The following NCBP1 variants were observed in gnomAD, a reference collection of about 807,000 sequenced individuals.
The protein encoded by NCBP1 is nuclear cap binding protein subunit 1, also known as nuclear cap-binding protein subunit 1.
NCBP1 carries 16 observed loss-of-function variants against 111.7 expected under a neutral mutation model. That is an observed-to-expected ratio of 0.14 (90% confidence interval 0.10 to 0.22). The LOEUF is 0.22. Ranked by LOEUF, NCBP1 falls within the 10% of genes least tolerant of loss-of-function variation. The probability of loss-of-function intolerance (pLI) is 1.00; values close to 1 mark genes in which losing one functional copy is unlikely to be tolerated. For synonymous variants in NCBP1, 304 were observed against 314.3 expected (o/e 0.97, Z 0.35); for missense variants, 607 against 957.5 (o/e 0.63, Z 4.83).
In NCBP1 at chr9:97,645,241, T is replaced by A; in HGVS notation, c.489+17T>A. 4 of 1,554,972 alleles carry A rather than the reference T, an allele frequency of 2.6e-6. No individual in the cohort carries two copies. The highest frequency in any genetic ancestry group is 3.6e-6 in the Non-Finnish European group (4 of 1,126,672). On this transcript the variant is annotated intron_variant, in intron 5 of 22. Coordinates refer to ENST00000375147, the MANE Select transcript of NCBP1 (RefSeq NM_002486.5). ...GTACCTCAGGTAAGAGAACCCCTCATGCTGAATCTTGAGGGGTTCTTGAGG... is the reference window on the plus strand; with the variant it reads ...GTACCTCAGGTAAGAGAACCCCTCAAGCTGAATCTTGAGGGGTTCTTGAGG...
intron 14 of NCBP1, among the ~76,000 whole-genome samples, chr9:97,657,885 G>GCTCTCTCTCTCTCTCTCTCT (rs3052096): frequency 1.1e-4 from 13 of 114,010 alleles, no homozygotes; most frequent in African/African-American, 4.7e-4. Flanking sequence ...GCCCCGGTAA[G>GCTCTCTCTCTCTCTCTCTCT]CTCTCTCTCT....
intron 14 of NCBP1, among the ~76,000 whole-genome samples, chr9:97,657,176 T>C (rs1427909228): frequency 6.6e-6 from 1 of 151,982 alleles, no homozygotes; most frequent in Non-Finnish European, 1.5e-5. Flanking sequence ...CTGTGTTAGC[T>C]GGGATGATCT....
intron 6 of NCBP1, among the ~76,000 whole-genome samples, chr9:97,646,627 G>A (rs1035339833): frequency 6.6e-6 from 1 of 152,100 alleles, no homozygotes; most frequent in Non-Finnish European, 1.5e-5. Context: ...CCCGAGGTCA[G>A]GAGTTTGAGA....
Position 97,650,598 on chromosome 9 carries a change from T to G in NCBP1, c.993T>G (p.Thr331=). 1 of 1,611,014 alleles carries G rather than the reference T, an allele frequency of 6.2e-7. No individual in the cohort carries two copies. Among genetic ancestry groups the G allele is most frequent in the African/African-American group, 1.3e-5 (1 of 74,910 alleles). The change falls in exon 9 of 23, where the codon ACT becomes ACG. Residue 331 remains threonine (T), a splice_region_variant and synonymous_variant. Transcript: ENST00000375147. ...IIKSHWKERK[T]CAAQLVSYPG... is the part of the protein sequence containing the mutation. ...AGTCCCACTGGAAGGAAAGGAAGAC[T>G]TGGTAAGATTCTTTTCATGGTACTT...
At chr9:97,651,045 C>CT (rs2131344116) in intron 9 of NCBP1, among the ~76,000 whole-genome samples, 1 of 152,116 alleles carries the variant, frequency 6.6e-6, no homozygotes, top group East Asian at 1.9e-4. Context: ...ATTAAAACTT[C>CT]TTTAAGTTAG....
At chr9:97,670,226 G>A (rs2773354) in intron 22 of NCBP1, 32,646 of 189,348 alleles carry the variant, frequency 0.17, 3,093 homozygotes, top group African/African-American at 0.22. Context: ...TCTCCTAATT[G>A]TCATTTTCTA....
At chr9:97,641,521 G>A (rs1238648393) in intron 2 of NCBP1, 41 bp from the exon 3 acceptor site, 2 of 1,427,946 alleles carry the variant, frequency 1.4e-6, no homozygotes, top group South Asian at 3.3e-5. Context: ...AATTTATGTT[G>A]CTGAGTACTT....
chr9:97,647,875 T>C, intron 7 of NCBP1, 133 bp from the exon 8 acceptor site: 1 of 823,048 alleles, frequency 1.2e-6, no homozygotes, highest in Non-Finnish European at 1.9e-6. Context: ...AAACAAAAAC[T>C]TAGCACCTTT....
chr9:97,649,683 A>T (rs1228780371), intron 8 of NCBP1, among the ~76,000 whole-genome samples: 3 of 151,846 alleles, frequency 2.0e-5, no homozygotes, highest in African/African-American at 4.8e-5. Flanking sequence ...CTACTTAGAT[A>T]TGTCTAACTG....
intron 14 of NCBP1, 72 bp from the exon 15 acceptor site, chr9:97,658,568 C>A: frequency 8.8e-7 from 1 of 1,141,402 alleles, no homozygotes; most frequent in Non-Finnish European, 1.3e-6. Flanking sequence ...CATGACTTTC[C>A]AGGTAAGTCG....
chr9:97,640,345 A>C (rs1043954771), intron 1 of NCBP1, among the ~76,000 whole-genome samples: 1 of 152,006 alleles, frequency 6.6e-6, no homozygotes, highest in Non-Finnish European at 1.5e-5. Context: ...TTATTTTGTC[A>C]TTTACATAAT....
At chr9:97,646,042 T>C (rs2131338881) in intron 6 of NCBP1, among the ~76,000 whole-genome samples, 1 of 152,326 alleles carries the variant, frequency 6.6e-6, no homozygotes, top group East Asian at 1.9e-4. Context: ...GAATTACCTG[T>C]GGTACTTAAA....
At chr9:97,653,987 T>A in intron 11 of NCBP1, 79 bp downstream of exon 11, 1 of 1,267,786 alleles carries the variant, frequency 7.9e-7, no homozygotes, top group Non-Finnish European at 1.1e-6. Context: ...CTTGTGGGTT[T>A]AAATTTTGTA....
intron 4 of NCBP1, among the ~76,000 whole-genome samples, chr9:97,643,731 G>T (rs80099307): frequency 0.035 from 5,267 of 151,970 alleles, 135 homozygotes; most frequent in Non-Finnish European, 0.052. Context: ...TTGCCCTCTC[G>T]TACCATAGGT....
At chr9:97,666,741 C>A in intron 19 of NCBP1, 22 bp from the exon 20 acceptor site, 1 of 1,482,460 alleles carries the variant, frequency 6.7e-7, no homozygotes, top group Non-Finnish European at 9.2e-7. Context: ...CATACAGTAA[C>A]CAAATGCCAT....
intron 1 of NCBP1, among the ~76,000 whole-genome samples, chr9:97,635,129 C>G (rs531747002): frequency 6.6e-6 from 1 of 152,174 alleles, no homozygotes; most frequent in South Asian, 2.1e-4. Flanking sequence ...GAGGCAGAAT[C>G]GCATGCATTT....
intron 6 of NCBP1, among the ~76,000 whole-genome samples, chr9:97,647,269 C>G (rs565463352): frequency 2.1e-4 from 32 of 152,100 alleles, no homozygotes; most frequent in Non-Finnish European, 3.8e-4. Flanking sequence ...TATACTTTCC[C>G]AAAGAGATTA....
chr9:97,671,196 C>T lies in NCBP1; in HGVS notation c.2370C>T (p.Ala790=), dbSNP rs1206495714. The change falls in exon 23 of 23, where the codon GCC becomes GCT. Residue 790 remains alanine (A), a synonymous_variant. Coordinates refer to ENST00000375147, the MANE Select transcript of NCBP1 (RefSeq NM_002486.5). ...AVFQQFCALQ[A] ...TCCAGCAGTTCTGTGCCCTGCAGGC[C>T]TAAGGGTCATTTTTTCCTCATGTCA... 1 of 1,585,282 alleles carries T rather than the reference C, an allele frequency of 6.3e-7. No homozygotes were observed. Among genetic ancestry groups the T allele is most frequent in the East Asian group, 2.2e-5 (1 of 44,748 alleles).
At chr9:97,637,679 A>G (rs919145296) in intron 1 of NCBP1, among the ~76,000 whole-genome samples, 3 of 152,220 alleles carry the variant, frequency 2.0e-5, no homozygotes, top group Admixed American at 6.5e-5. Flanking sequence ...AAGTTGTTCA[A>G]TATCAAAATA....
Sources: allele counts gnomAD v4.1 joint callset (sites outside exome capture counted in the v4.1 genomes callset), GRCh38; gene constraint gnomAD v4.1.1; transcripts MANE v1.5; gene names NCBI Gene and HGNC (gene_info 2026-07-23, HGNC 2026-07-21).